Variants in PTK2 observed in about 807,000 individuals in gnomAD.
PTK2 encodes the protein protein tyrosine kinase 2.
PTK2 carries 45 observed loss-of-function variants against 150.1 expected under a neutral mutation model. That is an observed-to-expected ratio of 0.30 (90% CI 0.24 to 0.38). PTK2 has a LOEUF of 0.38. Ranked by LOEUF, PTK2 falls within the 10% of genes least tolerant of loss-of-function variation. PTK2 has a pLI of 1.00. For missense variants in PTK2, 919 were observed against 1,307.3 expected (o/e 0.70, Z 4.58); for synonymous variants, 432 against 449.2 (o/e 0.96, Z 0.48).
intron 30 of PTK2, 75 bp from the exon 35 acceptor site, chr8:140,665,072 T>A (rs773748347): frequency 1.6e-5 from 22 of 1,356,952 alleles, no homozygotes; most frequent in South Asian, 2.7e-5. Flanking sequence ...TATATTTTTT[T>A]ATTTCCTTTC....
At chr8:140,786,171 C>A (rs1784525381) in intron 14 of PTK2, among the ~76,000 whole-genome samples, 1 of 152,124 alleles carries the variant, frequency 6.6e-6, no homozygotes, top group South Asian at 2.1e-4. Context: ...TCTTCAATCC[C>A]GCAGGGCTTG....
intron 12 of PTK2, among the ~76,000 whole-genome samples, chr8:140,798,715 C>G (rs1233483212): frequency 1.3e-5 from 2 of 152,074 alleles, no homozygotes; most frequent in Admixed American, 6.6e-5. Context: ...AAATTATTCA[C>G]TAAAAAGGAA....
At chr8:140,679,087 T>C (rs13253419) in intron 27 of PTK2, among the ~76,000 whole-genome samples, 55,943 of 139,658 alleles carry the variant, frequency 0.4, 12,276 homozygotes, top group Non-Finnish European at 0.49. Flanking sequence ...TGCAGTGGTG[T>C]GATCTTGGCT....
chr8:140,789,704 C>CAAAT (rs1389800070), intron 13 of PTK2, among the ~76,000 whole-genome samples, 178 bp from the exon 14 acceptor site: 1 of 152,036 alleles, frequency 6.6e-6, no homozygotes, highest in Non-Finnish European at 1.5e-5. Context: ...TTAAAGATCA[C>CAAAT]AAATTAAAAT....
At chr8:140,913,981 G>C (rs2100164211) in intron 2 of PTK2, among the ~76,000 whole-genome samples, 1 of 152,044 alleles carries the variant, frequency 6.6e-6, no homozygotes, top group Non-Finnish European at 1.5e-5. Flanking sequence ...TTTCATTACT[G>C]TTTTAGTCAA....
chr8:140,728,199 C>CA (rs1299819333), intron 22 of PTK2, among the ~76,000 whole-genome samples: 1,120 of 77,256 alleles, frequency 0.014, 16 homozygotes, highest in African/African-American at 0.042. Context: ...GACTCCGTCT[C>CA]AAAAAAAAAA....
chr8:140,892,913 G>A (rs1161963307), intron 2 of PTK2, among the ~76,000 whole-genome samples: 1 of 152,196 alleles, frequency 6.6e-6, no homozygotes, highest in African/African-American at 2.4e-5. Flanking sequence ...ATAAAATGGT[G>A]CAACTACTAT....
At chr8:140,931,013 G>C (rs1184550568) in intron 1 of PTK2, among the ~76,000 whole-genome samples, 1 of 147,324 alleles carries the variant, frequency 6.8e-6, no homozygotes, top group African/African-American at 2.5e-5. Context: ...AAAGGTTGCA[G>C]TAAGCCGAGA....
rs2100054104 is a variant in PTK2, at chr8:140,738,952, A to AT, written c.1825+65_1825+66insA. On this transcript the variant is annotated intron_variant, in intron 21 of 31. Transcript: ENST00000522684. ...CAACCTACATATTCCAAAAAGAGATAATTTTTTTTTGTATAACATATGAAA... is the reference window on the plus strand; with the variant it reads ...CAACCTACATATTCCAAAAAGAGATATATTTTTTTTTGTATAACATATGAAA... The AT allele has an allele frequency of 9.0e-6, 10 of 1,115,666 alleles. No homozygotes were observed. In the Admixed American group the frequency reaches 1.2e-4, roughly 13 times the overall value. The allele number at this position is 1,115,666 out of a possible 1,614,324, so 69.1% of individuals were successfully genotyped here.
exon 32 of PTK2, chr8:140,657,922 T>C (rs776392767): frequency 2.6e-5 from 4 of 152,206 alleles, no homozygotes; most frequent in Non-Finnish European, 5.9e-5. Context: ...TAAGAGCATG[T>C]ATTTACCTGG....
intron 3 of PTK2, among the ~76,000 whole-genome samples, chr8:140,887,532 A>G (rs1033632841): frequency 1.3e-5 from 2 of 152,240 alleles, no homozygotes; most frequent in Non-Finnish European, 2.9e-5. Context: ...TGTTACAAAA[A>G]TCCAGATATT....
At chr8:140,825,194 C>A (rs568665172) in intron 8 of PTK2, among the ~76,000 whole-genome samples, 1 of 152,164 alleles carries the variant, frequency 6.6e-6, no homozygotes, top group African/African-American at 2.4e-5. Flanking sequence ...TTACTCCTAT[C>A]TACAGGACCC....
At chr8:140,724,727 A>G (rs770225877) in intron 22 of PTK2, among the ~76,000 whole-genome samples, 1 of 152,236 alleles carries the variant, frequency 6.6e-6, no homozygotes, top group African/African-American at 2.4e-5. Flanking sequence ...ATGATTTCTT[A>G]TAATTAGTCA....
chr8:140,751,220 G>A (rs1333542183), intron 17 of PTK2, among the ~76,000 whole-genome samples: 1 of 152,204 alleles, frequency 6.6e-6, no homozygotes, highest in Non-Finnish European at 1.5e-5. Context: ...TTAGGCTGGA[G>A]TGCAATGGCA....
intron 1 of PTK2, among the ~76,000 whole-genome samples, chr8:140,952,003 C>T (rs2100179707): frequency 1.3e-5 from 2 of 151,952 alleles, no homozygotes; most frequent in Admixed American, 1.3e-4. Context: ...TTTCGTTTCC[C>T]AGCACATTAC....
At chr8:140,729,068 C>A (rs2100047660) in intron 22 of PTK2, among the ~76,000 whole-genome samples, 1 of 151,468 alleles carries the variant, frequency 6.6e-6, no homozygotes. Context: ...TACTGAGAAG[C>A]GATATGAAAA....
chr8:140,964,251 G>A (rs192845880), intron 1 of PTK2, among the ~76,000 whole-genome samples: 238 of 152,264 alleles, frequency 1.6e-3, no homozygotes, highest in African/African-American at 4.8e-3. Flanking sequence ...TTAAGAGACA[G>A]GGTCTTGCTC....
chr8:140,945,547 C>T (rs1239881027), intron 1 of PTK2, among the ~76,000 whole-genome samples: 2 of 152,078 alleles, frequency 1.3e-5, no homozygotes, highest in Non-Finnish European at 2.9e-5. Flanking sequence ...GAACATGCCA[C>T]TCACTGTACT....
chr8:140,668,468 G>C (rs1274311997), intron 29 of PTK2, 44 bp from the exon 34 acceptor site: 10 of 1,566,388 alleles, frequency 6.4e-6, no homozygotes, highest in Non-Finnish European at 8.6e-6. Context: ...TCCAGCAGAT[G>C]GCGTGAGATC....
Sources: gnomAD v4.1 joint callset for allele counts (sites outside exome capture counted in the v4.1 genomes callset) on GRCh38, gnomAD v4.1.1 for gene constraint, MANE v1.5 for transcripts, NCBI Gene and HGNC (gene_info 2026-07-23, HGNC 2026-07-21) for gene names.